The following VPS13C variants were observed in gnomAD, a reference collection of about 807,000 sequenced individuals.
VPS13C encodes vacuolar protein sorting 13 homolog C, also known as intermembrane lipid transfer protein VPS13C.
A neutral mutation model predicts 456.8 loss-of-function variants in VPS13C; 358 were observed. The ratio of observed to expected loss-of-function variants is 0.78; its 90% CI spans 0.72 to 0.86. The LOEUF (loss-of-function observed/expected upper bound fraction) is 0.86. VPS13C is among the 40% of genes least tolerant of loss of function. VPS13C has a pLI of 0.00. For synonymous variants in VPS13C, 1,578 were observed against 1,486.7 expected, an observed-to-expected ratio of 1.06 and a Z score of -1.41; for missense variants, 4,818 against 4,385.4, an observed-to-expected ratio of 1.10 and a Z score of -2.79.
chr15:61,954,562 G>A lies in VPS13C; in HGVS notation c.4166-8C>T, dbSNP rs200945332. 5.4e-5 allele frequency: 84 copies of A among 1,566,002 alleles called. No homozygotes were observed. The African/African-American group carries it at 9.3e-4, about 17-fold the overall frequency. On this transcript the variant is annotated splice_region_variant and splice_polypyrimidine_tract_variant and intron_variant, in intron 37 of 84. Coordinates refer to ENST00000644861, the MANE Select transcript of VPS13C (RefSeq NM_020821.3). ...GGGGCTCTTTAATTTCACCTGAAATGTTTAAAAGAAATTCATTACTTTTAT... is the reference window on the plus strand; with the variant it reads ...GGGGCTCTTTAATTTCACCTGAAATATTTAAAAGAAATTCATTACTTTTAT...
At chr15:62,043,927 G>C (rs2048320470) in intron 2 of VPS13C, among the ~76,000 whole-genome samples, 1 of 152,100 alleles carries the variant, frequency 6.6e-6, no homozygotes, top group Non-Finnish European at 1.5e-5. Context: ...AAAGACACTA[G>C]TGAAGGAAAA....
intron 9 of VPS13C, among the ~76,000 whole-genome samples, chr15:62,015,971 A>C (rs2140533050): frequency 6.8e-6 from 1 of 147,876 alleles, no homozygotes; most frequent in East Asian, 2.0e-4. Flanking sequence ...AAAAAAAAAA[A>C]AAAAAAAAAA....
chr15:61,977,327 T>G (rs2045734328), intron 23 of VPS13C, 128 bp from the exon 24 acceptor site: 1 of 592,386 alleles, frequency 1.7e-6, no homozygotes. Flanking sequence ...TATAAATTAA[T>G]CCAGAATCAA....
chr15:61,900,556 T>C (rs1470812506), intron 66 of VPS13C, among the ~76,000 whole-genome samples: 1 of 151,872 alleles, frequency 6.6e-6, no homozygotes, highest in Non-Finnish European at 1.5e-5. Context: ...TTACAAGGGA[T>C]GTGAAGGACC....
At chr15:61,997,794 A>T (rs2046440521) in intron 16 of VPS13C, among the ~76,000 whole-genome samples, 1 of 151,994 alleles carries the variant, frequency 6.6e-6, no homozygotes, top group South Asian at 2.1e-4. Context: ...ATCACCACTC[A>T]TCTCAACTAT....
intron 35 of VPS13C, among the ~76,000 whole-genome samples, chr15:61,960,669 C>A (rs751330340): frequency 6.6e-6 from 1 of 152,142 alleles, no homozygotes; most frequent in Non-Finnish European, 1.5e-5. Flanking sequence ...TAGGTTAAAG[C>A]AAATATAAAC....
chr15:61,899,493 A>C (rs909198325), intron 66 of VPS13C, among the ~76,000 whole-genome samples: 1 of 152,144 alleles, frequency 6.6e-6, no homozygotes, highest in Non-Finnish European at 1.5e-5. Flanking sequence ...CCTCTATGCA[A>C]ATAAACTAGA....
rs148232124 is a variant in VPS13C at position 61,984,003 on chromosome 15, C to T, written c.1731G>A (p.Ala577=). 1,155 of 1,612,570 alleles carry T rather than the reference C, an allele frequency of 7.2e-4. 8 individuals carry two copies. The highest frequency in any genetic ancestry group is 2.9e-4 in the Non-Finnish European group (342 of 1,179,422). Residue 577 remains alanine (A), a synonymous_variant, in exon 20 of 85, where the codon GCG becomes GCA. Coordinates refer to ENST00000644861, the MANE Select transcript of VPS13C (RefSeq NM_020821.3). ...CTGTTATATACCAGTGTTCTAATTT[C>T]GCTTCTACCCTATAATCCAATGAAG... is the stretch of plus-strand genomic sequence containing the variant. The part of the protein sequence containing the change: ...RPGAQALKVE[A]KLEHWYITGL...
Position 62,013,028 on chromosome 15 carries a change from A to C in VPS13C, c.825+11T>G. The C allele has an allele frequency of 1.9e-6, 3 of 1,605,544 alleles. No homozygotes were observed. Among genetic ancestry groups the C allele is most frequent in the Non-Finnish European group, 2.6e-6 (3 of 1,175,336 alleles). ...GTGAAGTTAGCTCTTCCAAGTATAC[A>C]TTAATATTACCAAAATCTGTTCCCT... is the stretch of plus-strand genomic sequence containing the variant. On this transcript the variant is annotated intron_variant, in intron 11 of 84. Coordinates refer to ENST00000644861, the MANE Select transcript of VPS13C (RefSeq NM_020821.3).
chr15:61,959,269 A>G (rs2045112342), intron 36 of VPS13C, among the ~76,000 whole-genome samples, 179 bp downstream of exon 36: 1 of 152,134 alleles, frequency 6.6e-6, no homozygotes, highest in African/African-American at 2.4e-5. Context: ...TAAAGTTAAG[A>G]AATCTTAACT....
intron 53 of VPS13C, among the ~76,000 whole-genome samples, chr15:61,924,076 C>T (rs910024518): frequency 1.3e-5 from 2 of 151,520 alleles, no homozygotes; most frequent in South Asian, 2.1e-4. Context: ...CCGTTTTAGC[C>T]GGGATGGTCT....
chr15:61,959,432 T>G lies in VPS13C; in HGVS notation c.4056+16A>C. On this transcript the variant is annotated intron_variant, in intron 36 of 84. Coordinates refer to ENST00000644861, the MANE Select transcript of VPS13C (RefSeq NM_020821.3). ...AAATTTCAACAATGAAGTTTTTTCT[T>G]CACTCATATACTTACATTCATTGAA... 6.5e-7 allele frequency: 1 copy of G among 1,541,696 alleles called. No individual in the cohort carries two copies. The highest frequency in any genetic ancestry group is 8.8e-7 in the Non-Finnish European group (1 of 1,138,728).
intron 9 of VPS13C, among the ~76,000 whole-genome samples, chr15:62,016,497 C>T (rs2047254659): frequency 6.8e-6 from 1 of 147,948 alleles, no homozygotes; most frequent in Non-Finnish European, 1.5e-5. Flanking sequence ...GTTCAATTCC[C>T]ACCTATGAGT....
intron 3 of VPS13C, among the ~76,000 whole-genome samples, chr15:62,040,390 G>C (rs1290116416): frequency 6.6e-6 from 1 of 152,092 alleles, no homozygotes; most frequent in Non-Finnish European, 1.5e-5. Flanking sequence ...TAAATACTTT[G>C]AGGTGATAGA....
chr15:61,948,897 G>A lies in VPS13C; in HGVS notation c.4759+546C>T, dbSNP rs532844978. On this transcript the variant is annotated intron_variant, in intron 42 of 84. Transcript: ENST00000644861. ...AAGCAAATGTTATTTATTCACTCAG[G>A]ATATGTCATACCTAATTTTTCATAA... Among the ~76,000 whole-genome samples the A allele has an allele frequency of 4.8e-4, 73 of 152,190 alleles. 1 individual carries two copies. The South Asian group carries it at 0.015, about 32-fold the overall frequency.
At chr15:61,932,538 A>G (rs1198203853) in intron 49 of VPS13C, among the ~76,000 whole-genome samples, 1 of 151,450 alleles carries the variant, frequency 6.6e-6, no homozygotes, top group Non-Finnish European at 1.5e-5. Flanking sequence ...AAAAAAAAAA[A>G]CCCCAGCCAA....
chr15:62,021,539 A>T (rs1308066901), intron 8 of VPS13C, among the ~76,000 whole-genome samples: 1 of 151,898 alleles, frequency 6.6e-6, no homozygotes. Context: ...TAGACATCTT[A>T]AAGAAAAGTC....
chr15:61,984,127 A>C, intron 19 of VPS13C, 115 bp from the exon 20 acceptor site: 1 of 902,788 alleles, frequency 1.1e-6, no homozygotes. Context: ...ATCCATGCAC[A>C]TTATCCAGAG....
At chr15:62,027,136 C>T (rs758021847) in intron 6 of VPS13C, among the ~76,000 whole-genome samples, 1 of 151,982 alleles carries the variant, frequency 6.6e-6, no homozygotes, top group Non-Finnish European at 1.5e-5. Flanking sequence ...ATGAAACACA[C>T]GTTAAGTCCT....
Sources: gnomAD v4.1 joint callset for allele counts (sites outside exome capture counted in the v4.1 genomes callset) on GRCh38, gnomAD v4.1.1 for gene constraint, MANE v1.5 for transcripts, NCBI Gene and HGNC (gene_info 2026-07-23, HGNC 2026-07-21) for gene names.